Variants in NXPE2 observed in about 807,000 individuals in gnomAD.
NXPE2 encodes NXPE family member 2.
NXPE2 carries 34 observed loss-of-function variants against 34.4 expected under a neutral mutation model. That is an observed-to-expected ratio of 0.99 (90% CI 0.75 to 1.31). NXPE2 has a LOEUF of 1.31. Among genes scored for constraint, NXPE2 ranks in the 40% most tolerant of loss-of-function variants. The pLI is 0.00. For missense variants in NXPE2, 649 were observed against 672.5 expected, an observed-to-expected ratio of 0.97 and a Z score of 0.39; for synonymous variants, 235 against 231.3, an observed-to-expected ratio of 1.02 and a Z score of -0.15.
At chr11:114,774,072 C>T in the NXPE2 span, among the ~76,000 whole-genome samples, 8 of 152,208 alleles carry the variant, frequency 5.3e-5, no homozygotes, top group Admixed American at 2.6e-4. Flanking sequence ...AACTGCTTCC[C>T]GGAAACTGAT....
chr11:114,808,716 A>G, the NXPE2 span, among the ~76,000 whole-genome samples: 5 of 151,958 alleles, frequency 3.3e-5, no homozygotes, highest in Non-Finnish European at 5.9e-5. Context: ...CTTACCACCA[A>G]AAAAAGTCCA....
At chr11:114,509,691 G>T in the NXPE2 span, among the ~76,000 whole-genome samples, 1 of 152,148 alleles carries the variant, frequency 6.6e-6, no homozygotes, top group Non-Finnish European at 1.5e-5. Flanking sequence ...GATACCACAT[G>T]TTCTCACTTA....
At chr11:114,659,492 G>A in the NXPE2 span, among the ~76,000 whole-genome samples, 1 of 150,888 alleles carries the variant, frequency 6.6e-6, no homozygotes, top group African/African-American at 2.4e-5. Flanking sequence ...CCCTAGAGAT[G>A]TGAAATAATA....
At chr11:114,529,172 A>G in the NXPE2 span, 1 of 201,068 alleles carries the variant, frequency 5.0e-6, no homozygotes, top group Non-Finnish European at 9.9e-6. Context: ...CTACTCTGTC[A>G]CCAAGCTGAG....
chr11:114,600,579 G>A, the NXPE2 span, among the ~76,000 whole-genome samples: 1 of 152,032 alleles, frequency 6.6e-6, no homozygotes, highest in African/African-American at 2.4e-5. Flanking sequence ...TTTCTAAAGT[G>A]TCACAATCAT....
the NXPE2 span, among the ~76,000 whole-genome samples, chr11:114,515,392 A>G: frequency 1.3e-5 from 2 of 152,240 alleles, no homozygotes; most frequent in East Asian, 3.8e-4. Flanking sequence ...TTTAACCTTC[A>G]GAAAGATGAA....
the NXPE2 span, among the ~76,000 whole-genome samples, chr11:114,475,608 C>A: frequency 6.6e-6 from 1 of 152,120 alleles, no homozygotes; most frequent in Non-Finnish European, 1.5e-5. Context: ...CCACTTCGCT[C>A]ATTTATGTCC....
the NXPE2 span, chr11:114,553,640 G>T: frequency 2.4e-6 from 2 of 847,990 alleles, no homozygotes; most frequent in South Asian, 5.4e-5. Flanking sequence ...AGACTTCTTA[G>T]AATCCTATGG....
At chr11:114,561,259 T>C in the NXPE2 span, among the ~76,000 whole-genome samples, 4 of 152,240 alleles carry the variant, frequency 2.6e-5, no homozygotes, top group South Asian at 8.3e-4. Context: ...ACTAAATAAT[T>C]AGCAACTACT....
the NXPE2 span, among the ~76,000 whole-genome samples, chr11:114,643,030 T>A: frequency 6.6e-6 from 1 of 152,144 alleles, no homozygotes; most frequent in Non-Finnish European, 1.5e-5. Flanking sequence ...GAGCATTTTT[T>A]AATGTTTGTT....
At chr11:114,729,392 G>A in the NXPE2 span, among the ~76,000 whole-genome samples, 2 of 152,022 alleles carry the variant, frequency 1.3e-5, no homozygotes, top group African/African-American at 4.8e-5. Context: ...TGTCTCTTTG[G>A]TAGAATAATT....
chr11:114,797,824 A>G, the NXPE2 span, among the ~76,000 whole-genome samples: 1 of 152,316 alleles, frequency 6.6e-6, no homozygotes, highest in East Asian at 1.9e-4. Flanking sequence ...AGATTTTCAT[A>G]CTAAAACAAT....
the NXPE2 span, among the ~76,000 whole-genome samples, chr11:114,497,050 A>G: frequency 6.6e-6 from 1 of 152,154 alleles, no homozygotes; most frequent in Non-Finnish European, 1.5e-5. Context: ...TTATTAAAAC[A>G]GCCTCAGGCA....
intron 4 of NXPE2, among the ~76,000 whole-genome samples, chr11:114,705,031 C>G (rs928776842): frequency 6.6e-6 from 1 of 152,124 alleles, no homozygotes; most frequent in Admixed American, 6.6e-5. Flanking sequence ...AATGTGTACC[C>G]CATATCCCAA....
the NXPE2 span, among the ~76,000 whole-genome samples, chr11:114,591,378 CA>C: frequency 6.6e-6 from 1 of 152,162 alleles, no homozygotes; most frequent in Non-Finnish European, 1.5e-5. Context: ...AGGAAATTAA[CA>C]GGTTATTATC....
chr11:114,698,692 T>A lies in NXPE2; in HGVS notation c.780T>A (p.His260Gln). Residue 260 changes from histidine (H) to glutamine (Q), a missense_variant, in exon 3 of 6, where the codon CAT becomes CAA. Coordinates refer to ENST00000389586, the MANE Select transcript of NXPE2 (RefSeq NM_182495.6). ...QEAFYCVRPQ[H>Q]MPCEALTHMT... The stretch of plus-strand genomic sequence containing the variant: ...CCTTCTACTGTGTGAGGCCTCAACA[T>A]ATGCCCTGTGAGGCCTTGACCCACA... 6.2e-7 allele frequency: 1 copy of A among 1,613,944 alleles called. No individual in the cohort carries two copies. The highest frequency in any genetic ancestry group is 8.5e-7 in the Non-Finnish European group (1 of 1,179,816).
At chr11:114,703,653 CATAGATAGATAG>C (rs58702498) in intron 3 of NXPE2, among the ~76,000 whole-genome samples, 1,480 of 102,894 alleles carry the variant, frequency 0.014, 23 homozygotes, top group African/African-American at 0.05. Flanking sequence ...TTAAAATAAG[CATAGATAGATAG>C]ATAGATAGAT....
the NXPE2 span, among the ~76,000 whole-genome samples, chr11:114,613,307 C>T: frequency 6.6e-6 from 1 of 151,886 alleles, no homozygotes; most frequent in Non-Finnish European, 1.5e-5. Flanking sequence ...TAAGTACTGC[C>T]TCATGGGTAA....
At chr11:114,636,682 C>G in the NXPE2 span, among the ~76,000 whole-genome samples, 1 of 152,016 alleles carries the variant, frequency 6.6e-6, no homozygotes, top group African/African-American at 2.4e-5. Flanking sequence ...TCATTGATTT[C>G]AAAGAACATC....
Sources: gnomAD v4.1 joint callset for allele counts (sites outside exome capture counted in the v4.1 genomes callset) on GRCh38, gnomAD v4.1.1 for gene constraint, MANE v1.5 for transcripts, NCBI Gene and HGNC (gene_info 2026-07-23, HGNC 2026-07-21) for gene names.